MIA3: variants seen among roughly 807,000 people sequenced by gnomAD.
MIA3 encodes the protein MIA SH3 domain ER export factor 3.
In MIA3, 90 loss-of-function variants were observed where a neutral mutation model predicts 192.4. That is an observed-to-expected ratio of 0.47 (90% CI 0.39 to 0.56). The LOEUF (loss-of-function observed/expected upper bound fraction) is 0.56. Ranked by LOEUF, MIA3 falls within the 20% of genes least tolerant of loss-of-function variation. MIA3 has a pLI of 0.00. For missense variants in MIA3, 2,123 were observed against 2,269.4 expected (o/e 0.94, Z 1.31); for synonymous variants, 740 against 792.8 (o/e 0.93, Z 1.12).
At chr1:222,638,053 A>G (rs1297518441) in intron 6 of MIA3, among the ~76,000 whole-genome samples, 1 of 152,140 alleles carries the variant, frequency 6.6e-6, no homozygotes, top group African/African-American at 2.4e-5. Flanking sequence ...TAACTGATAG[A>G]ATAGGAAGTC....
In MIA3 at chr1:222,627,841, G is replaced by A; in HGVS notation, c.621G>A (p.Gln207=). 6.2e-7 allele frequency: 1 copy of A among 1,614,010 alleles called. No individual in the cohort carries two copies. The highest frequency in any genetic ancestry group is 1.1e-5 in the South Asian group (1 of 91,078). ...ATCTTCAGGAACAGTTTACAACTCA[G>A]AAGCACCACTCCCATGCAAACAGCC... ...TEDLQEQFTT[Q]KHHSHANSQA... Residue 207 remains glutamine (Q), a synonymous_variant, in exon 4 of 28, where the codon CAG becomes CAA. Transcript: ENST00000344922.
chr1:222,650,753 A>G (rs1416889226), intron 10 of MIA3, 40 bp from the exon 11 acceptor site: 15 of 1,566,052 alleles, frequency 9.6e-6, no homozygotes, highest in African/African-American at 2.7e-5. Flanking sequence ...AACAAAAGTA[A>G]AAGTAATGAG....
At chr1:222,645,768 T>C in intron 7 of MIA3, 83 bp downstream of exon 7, 3 of 1,224,010 alleles carry the variant, frequency 2.5e-6, no homozygotes, top group Non-Finnish European at 3.5e-6. Flanking sequence ...TTTCAGTTTC[T>C]AATATGAACA....
rs773066082 is a variant in MIA3 at position 222,628,989 on chromosome 1, C to T, written c.1769C>T (p.Ala590Val). The T allele has an allele frequency of 1.2e-6, 2 of 1,614,172 alleles. No individual in the cohort carries two copies. The highest frequency in any genetic ancestry group is 1.7e-5 in the Admixed American group (1 of 60,016). ...CTCATGGGAGATGACCACCCTAACGCATCCAGAGACAGTGTGGAGGGAGAC... is the reference window on the plus strand; with the variant it reads ...CTCATGGGAGATGACCACCCTAACGTATCCAGAGACAGTGTGGAGGGAGAC... Reference protein sequence around the residue: ...APLMGDDHPNASRDSVEGDAL... With the variant: ...APLMGDDHPNVSRDSVEGDAL... Residue 590 changes from alanine (A) to valine (V), a missense_variant, in exon 4 of 28, where the codon GCA becomes GTA. Physicochemically the swap from Ala to Val is moderately conservative, Grantham distance 64. Coordinates refer to ENST00000344922, the MANE Select transcript of MIA3 (RefSeq NM_198551.4).
intron 6 of MIA3, among the ~76,000 whole-genome samples, chr1:222,634,574 T>TTA (rs1008344309): frequency 6.6e-6 from 1 of 152,166 alleles, no homozygotes; most frequent in Non-Finnish European, 1.5e-5. Context: ...GTCTAGAAGC[T>TTA]TATCTAGGCT....
Position 222,658,801 on chromosome 1 carries a change from G to A in MIA3, c.4687G>A (p.Ala1563Thr), listed in dbSNP as rs536185481. Residue 1563 changes from alanine to threonine, a missense_variant, in exon 19 of 28, where the codon GCA (alanine) becomes ACA (threonine). Coordinates refer to ENST00000344922, the MANE Select transcript of MIA3 (RefSeq NM_198551.4). ...TGCAGATGAAAAGGCAGTTTCGGCT[G>A]CAGAGGAAGTAAAAACTTACAAGTA... ...SAADEKAVSA[A>T]EEVKTYKRRI... 39 of 1,612,852 alleles carry A rather than the reference G, an allele frequency of 2.4e-5. No individual in the cohort carries two copies. The highest frequency in any genetic ancestry group is 3.1e-5 in the Non-Finnish European group (37 of 1,179,310).
intron 6 of MIA3, chr1:222,644,289 G>T: frequency 7.1e-7 from 1 of 1,407,210 alleles, no homozygotes; most frequent in Non-Finnish European, 9.3e-7. Context: ...GGTGCGCCAG[G>T]GGCAGTGGCT....
rs766741056 is a variant in MIA3, at chr1:222,653,094, G to A, written c.4173G>A (p.Leu1391=). 3.3e-5 allele frequency: 53 copies of A among 1,612,038 alleles called. No individual in the cohort carries two copies. The East Asian group carries it at 1.2e-3, about 36-fold the overall frequency. Residue 1391 remains leucine (L), a synonymous_variant, in exon 14 of 28, where the codon TTG becomes TTA. Coordinates refer to ENST00000344922, the MANE Select transcript of MIA3 (RefSeq NM_198551.4). ...IKSFEKSQKD[L]EVALTHKDDN... is the part of the protein sequence containing the mutation. ...CATTTGAGAAGTCTCAGAAAGATTT[G>A]GAAGTAGCTCTTACTCACAAGGATG...
chr1:222,623,831 G>A (rs3008616), intron 2 of MIA3, among the ~76,000 whole-genome samples: 35,588 of 152,126 alleles, frequency 0.23, 4,596 homozygotes, highest in Admixed American at 0.35. Flanking sequence ...TTTTACTAGT[G>A]CTGAAAATGA....
chr1:222,650,122 T>C, intron 8 of MIA3, 170 bp from the exon 9 acceptor site: 1 of 632,908 alleles, frequency 1.6e-6, no homozygotes, highest in East Asian at 3.0e-5. Context: ...TGTTATGAGA[T>C]TTGATGGAGA....
At chr1:222,648,280 T>G (rs191097346) in intron 7 of MIA3, among the ~76,000 whole-genome samples, 1 of 152,292 alleles carries the variant, frequency 6.6e-6, no homozygotes, top group East Asian at 1.9e-4. Flanking sequence ...AGCTTAGTAT[T>G]TATAGCATTA....
rs1178434872 is a variant in MIA3, at chr1:222,628,625, A to T, written c.1405A>T (p.Arg469Trp). ...NAEHHIKGKG[R>W]GVQESKRGLV... is the part of the protein sequence containing the mutation. ...AGAACATCACATTAAAGGAAAAGGG[A>T]GGGGAGTTCAGGAATCCAAGAGGGG... Residue 469 changes from arginine to tryptophan, a missense_variant, in exon 4 of 28, where the codon AGG becomes TGG. Arg to Trp is a moderately radical substitution (Grantham distance 101). Around this residue, in one of 3 missense-constraint regions of MIA3, gnomAD observed 1,357 missense variants for 1,396.1 expected, o/e 0.97. Transcript: ENST00000344922. The T allele has an allele frequency of 1.2e-6, 2 of 1,613,988 alleles. No individual in the cohort carries two copies. The highest frequency in any genetic ancestry group is 2.2e-5 in the South Asian group (2 of 91,034).
chr1:222,646,760 G>A (rs1663169355), intron 7 of MIA3, among the ~76,000 whole-genome samples: 1 of 152,312 alleles, frequency 6.6e-6, no homozygotes, highest in African/African-American at 2.4e-5. Flanking sequence ...TATCTTACAT[G>A]AGAGCATTCA....
intron 6 of MIA3, among the ~76,000 whole-genome samples, chr1:222,634,450 A>G (rs941954958): frequency 2.6e-5 from 4 of 152,224 alleles, no homozygotes; most frequent in African/African-American, 9.6e-5. Flanking sequence ...GATCCTTGGA[A>G]GATTTTAAGC....
Position 222,629,602 on chromosome 1 carries a change from T to C in MIA3, c.2382T>C (p.Thr794=). The change falls in exon 4 of 28, where the codon ACT becomes ACC. Residue 794 remains threonine (T), a synonymous_variant. Transcript: ENST00000344922. ...TGGATAGCGAAAAAACAAGTGAGAC[T>C]GCTGCCAAAGGGGTCAACACAGGAG... ...MILDSEKTSE[T]AAKGVNTGGR... The C allele has an allele frequency of 6.2e-7, 1 of 1,613,974 alleles. No homozygotes were observed. The highest frequency in any genetic ancestry group is 8.5e-7 in the Non-Finnish European group (1 of 1,179,968).
chr1:222,660,319 G>A lies in MIA3; in HGVS notation c.5113+5G>A. 1 of 1,604,180 alleles carries A rather than the reference G, an allele frequency of 6.2e-7. No individual in the cohort carries two copies. ...ATATGCCTAGAAGTGAATTTGGTGA[G>A]CATTCACATGTTTCCTTGCAATACT... On this transcript the variant is annotated splice_donor_5th_base_variant and intron_variant, in intron 24 of 27. Transcript: ENST00000344922.
intron 6 of MIA3, among the ~76,000 whole-genome samples, chr1:222,636,429 T>G (rs1314631684): frequency 6.6e-6 from 1 of 151,994 alleles, no homozygotes; most frequent in African/African-American, 2.4e-5. Context: ...ACACAGGAGC[T>G]GTTTAGAATT....
intron 6 of MIA3, among the ~76,000 whole-genome samples, chr1:222,638,113 T>C (rs1405659636): frequency 2.0e-5 from 3 of 152,198 alleles, no homozygotes; most frequent in Non-Finnish European, 4.4e-5. Flanking sequence ...CTTGACATTA[T>C]TGATGTTTAT....
Position 222,653,318 on chromosome 1 carries a change from T to C in MIA3, c.4300T>C (p.Leu1434=). 6.2e-7 allele frequency: 1 copy of C among 1,613,548 alleles called. No homozygotes were observed. Among genetic ancestry groups the C allele is most frequent in the Non-Finnish European group, 8.5e-7 (1 of 1,179,514 alleles). Residue 1434 remains leucine, a synonymous_variant, in exon 15 of 28, where the codon TTA becomes CTA. Transcript: ENST00000344922. ...QNKGGNDSDE[L]ANGEVGGDRN... is the part of the protein sequence containing the mutation. ...TAAAGGTGGAAATGATTCAGATGAATTAGCAAATGGAGAAGTGGGAGGTAA... is the reference window on the plus strand; with the variant it reads ...TAAAGGTGGAAATGATTCAGATGAACTAGCAAATGGAGAAGTGGGAGGTAA...
Sources: gnomAD v4.1 joint callset for allele counts (sites outside exome capture counted in the v4.1 genomes callset) on GRCh38, gnomAD v4.1.1 for gene constraint, gnomAD v4.1.1 regional missense constraint, MANE v1.5 for transcripts, NCBI Gene and HGNC (gene_info 2026-07-23, HGNC 2026-07-21) for gene names.